TAFA2: variants seen among roughly 807,000 people sequenced by gnomAD.
The protein encoded by TAFA2 is TAFA chemokine like family member 2.
A neutral mutation model predicts 18.8 loss-of-function variants in TAFA2; 7 were observed. That is an observed-to-expected ratio of 0.37 (90% CI 0.21 to 0.70). TAFA2 has a LOEUF of 0.70. TAFA2 is among the 30% of genes least tolerant of loss of function. TAFA2 has a pLI of 0.53. For missense variants in TAFA2, 122 were observed against 158.1 expected (o/e 0.77, Z 1.23); for synonymous variants, 60 against 54.2 (o/e 1.11, Z -0.47).
intron 1 of TAFA2, among the ~76,000 whole-genome samples, chr12:61,889,485 G>A (rs1326996620): frequency 6.6e-6 from 1 of 152,104 alleles, no homozygotes; most frequent in East Asian, 1.9e-4. Flanking sequence ...TGGTTTCTTT[G>A]TTCTATACCT....
intron 1 of TAFA2, among the ~76,000 whole-genome samples, chr12:62,072,280 C>G (rs551348690): frequency 6.6e-6 from 1 of 151,666 alleles, no homozygotes; most frequent in Admixed American, 6.6e-5. Context: ...CTGGCTAACA[C>G]GGTGAAACCC....
At chr12:61,856,255 CTGAA>C (rs1873880837) in intron 2 of TAFA2, among the ~76,000 whole-genome samples, 1 of 152,016 alleles carries the variant, frequency 6.6e-6, no homozygotes, top group South Asian at 2.1e-4. Flanking sequence ...TGCTAATTGA[CTGAA>C]TGTAAAATTT....
intron 2 of TAFA2, among the ~76,000 whole-genome samples, chr12:61,843,627 A>G (rs909133389): frequency 1.1e-4 from 17 of 152,188 alleles, no homozygotes; most frequent in African/African-American, 3.9e-4. Flanking sequence ...TGTCCATTAC[A>G]TAGAAGAAAT....
chr12:61,978,537 C>G (rs907634016), intron 1 of TAFA2, among the ~76,000 whole-genome samples: 2 of 151,776 alleles, frequency 1.3e-5, no homozygotes, highest in Non-Finnish European at 2.9e-5. Flanking sequence ...ACGGGGGATG[C>G]AGAAGAACAG....
intron 1 of TAFA2, among the ~76,000 whole-genome samples, chr12:62,070,902 T>C (rs1365352914): frequency 2.0e-5 from 3 of 152,308 alleles, no homozygotes; most frequent in South Asian, 2.1e-4. Flanking sequence ...AAATTTCAGA[T>C]AGAATTATCA....
chr12:61,790,595 A>T (rs1373276623), intron 2 of TAFA2, among the ~76,000 whole-genome samples: 1 of 151,864 alleles, frequency 6.6e-6, no homozygotes, highest in Non-Finnish European at 1.5e-5. Context: ...AAAAAAATGA[A>T]GAAAACAATC....
chr12:61,859,818 C>T (rs114169986), intron 2 of TAFA2, among the ~76,000 whole-genome samples: 3,376 of 152,284 alleles, frequency 0.022, 108 homozygotes, highest in African/African-American at 0.075. Context: ...GGGTTGTATT[C>T]AGCGACTCTG....
chr12:62,181,530 C>T (rs1046467392), intron 1 of TAFA2, among the ~76,000 whole-genome samples: 11 of 152,154 alleles, frequency 7.2e-5, no homozygotes, highest in African/African-American at 2.4e-4. Flanking sequence ...ATGACTATTA[C>T]GAACTATATT....
intron 1 of TAFA2, among the ~76,000 whole-genome samples, chr12:62,060,521 AAT>A (rs1882318423): frequency 6.6e-6 from 1 of 152,230 alleles, no homozygotes; most frequent in African/African-American, 2.4e-5. Context: ...AATAAATGAC[AAT>A]GTTATTGGTT....
At chr12:61,947,789 G>T (rs1384163312) in intron 1 of TAFA2, among the ~76,000 whole-genome samples, 2 of 152,126 alleles carry the variant, frequency 1.3e-5, no homozygotes, top group East Asian at 1.9e-4. Context: ...TACCCTAAAA[G>T]ACTTTCCTAC....
At chr12:61,871,373 C>T (rs1488030927) in intron 1 of TAFA2, among the ~76,000 whole-genome samples, 2 of 152,136 alleles carry the variant, frequency 1.3e-5, no homozygotes, top group South Asian at 2.1e-4. Context: ...ATTTGCTAAC[C>T]ACCAGGTCTC....
At chr12:61,875,075 A>T (rs1361971613) in intron 1 of TAFA2, among the ~76,000 whole-genome samples, 1 of 152,132 alleles carries the variant, frequency 6.6e-6, no homozygotes, top group East Asian at 1.9e-4. Context: ...ATAATAGTTA[A>T]ATAAATTTGT....
chr12:62,249,272 TAAAA>T (rs35144994), intron 1 of TAFA2, among the ~76,000 whole-genome samples: 1 of 137,722 alleles, frequency 7.3e-6, no homozygotes. Flanking sequence ...TTTTTTTTCC[TAAAA>T]AAAAAAAAAA....
At chr12:62,059,266 A>G (rs1381225216) in intron 1 of TAFA2, among the ~76,000 whole-genome samples, 1 of 151,626 alleles carries the variant, frequency 6.6e-6, no homozygotes. Context: ...CCGGTGATCT[A>G]TGATTGCACC....
intron 2 of TAFA2, among the ~76,000 whole-genome samples, chr12:61,841,031 C>T (rs998164724): frequency 5.3e-5 from 8 of 152,020 alleles, no homozygotes; most frequent in Non-Finnish European, 1.0e-4. Flanking sequence ...AGAGTCTTTA[C>T]TACACACAGG....
intron 1 of TAFA2, chr12:61,880,456 G>A (rs1339697491): frequency 5.6e-6 from 3 of 538,354 alleles, no homozygotes; most frequent in Non-Finnish European, 1.1e-5. Flanking sequence ...AGGAGCTGAT[G>A]AATGTCAAGC....
intron 1 of TAFA2, among the ~76,000 whole-genome samples, chr12:62,229,401 G>A (rs1565783988): frequency 6.6e-6 from 1 of 151,932 alleles, no homozygotes; most frequent in African/African-American, 2.4e-5. Context: ...TTTATAACCA[G>A]CTTGTTGAGG....
chr12:61,726,212 G>T (rs535044557), intron 4 of TAFA2, among the ~76,000 whole-genome samples: 14 of 150,982 alleles, frequency 9.3e-5, no homozygotes, highest in Non-Finnish European at 1.6e-4. Context: ...ATCTCTAATT[G>T]GTGGGCTCTT....
At chr12:61,927,436 C>T (rs542666574) in intron 1 of TAFA2, among the ~76,000 whole-genome samples, 3 of 152,100 alleles carry the variant, frequency 2.0e-5, no homozygotes, top group South Asian at 4.1e-4. Context: ...GAATAAAATA[C>T]CTAGGAATAC....
Sources: gnomAD v4.1 joint callset for allele counts (sites outside exome capture counted in the v4.1 genomes callset) on GRCh38, gnomAD v4.1.1 for gene constraint, MANE v1.5 for transcripts, NCBI Gene and HGNC (gene_info 2026-07-23, HGNC 2026-07-21) for gene names.